CADM1: variants seen among roughly 807,000 people sequenced by gnomAD.
CADM1 encodes the protein TSLC-1.
CADM1 carries 15 observed loss-of-function variants against 53.1 expected under a neutral mutation model. The observed-to-expected ratio is 0.28, with a 90% confidence interval of 0.19 to 0.44. The LOEUF is 0.44. CADM1 is among the 20% of genes least tolerant of loss of function. The probability of loss-of-function intolerance (pLI) is 1.00; values close to 1 mark genes in which losing one functional copy is unlikely to be tolerated. For synonymous variants in CADM1, 281 were observed against 243.0 expected (o/e 1.16, Z -1.45); for missense variants, 434 against 611.3 (o/e 0.71, Z 3.06).
intron 1 of CADM1, among the ~76,000 whole-genome samples, chr11:115,497,303 A>T (rs56163836): frequency 0.024 from 3,655 of 152,296 alleles, 129 homozygotes; most frequent in African/African-American, 0.083. Context: ...TTCCAGTAAA[A>T]CATCTACTAA....
intron 1 of CADM1, among the ~76,000 whole-genome samples, chr11:115,305,059 G>T (rs577800856): frequency 1.3e-5 from 2 of 151,938 alleles, no homozygotes; most frequent in African/African-American, 2.4e-5. Flanking sequence ...CACCTAGACA[G>T]GAGACATAGA....
At chr11:115,369,713 CAT>C (rs1946264752) in intron 1 of CADM1, among the ~76,000 whole-genome samples, 1 of 152,162 alleles carries the variant, frequency 6.6e-6, no homozygotes, top group African/African-American at 2.4e-5. Flanking sequence ...ACCTCACTCA[CAT>C]GAAATTTCTC....
At chr11:115,408,030 G>C (rs1271381235) in intron 1 of CADM1, among the ~76,000 whole-genome samples, 1 of 151,958 alleles carries the variant, frequency 6.6e-6, no homozygotes, top group Non-Finnish European at 1.5e-5. Flanking sequence ...GTGTTGGGGG[G>C]TGGTAGTAAT....
intron 1 of CADM1, among the ~76,000 whole-genome samples, chr11:115,274,949 T>G (rs1943404203): frequency 1.3e-5 from 2 of 152,226 alleles, no homozygotes; most frequent in South Asian, 4.1e-4. Context: ...CAAGGCCGTT[T>G]GCTGCCATGG....
At chr11:115,223,021 C>A (rs1941463059) in intron 5 of CADM1, among the ~76,000 whole-genome samples, 1 of 152,060 alleles carries the variant, frequency 6.6e-6, no homozygotes, top group South Asian at 2.1e-4. Context: ...GTGCCAGGGA[C>A]TGGCACACAG....
At chr11:115,257,318 C>A (rs148609293) in intron 1 of CADM1, among the ~76,000 whole-genome samples, 317 of 152,232 alleles carry the variant, frequency 2.1e-3, no homozygotes, top group African/African-American at 7.1e-3. Context: ...ATTAAAAATA[C>A]TGTGAGTGTA....
chr11:115,347,397 C>G (rs1045783299), intron 1 of CADM1, among the ~76,000 whole-genome samples: 5 of 152,154 alleles, frequency 3.3e-5, no homozygotes, highest in Non-Finnish European at 5.9e-5. Context: ...TTATTAGCAC[C>G]TCCCATCACT....
intron 1 of CADM1, among the ~76,000 whole-genome samples, chr11:115,350,474 C>A (rs1177258564): frequency 1.3e-5 from 2 of 150,920 alleles, no homozygotes; most frequent in African/African-American, 4.9e-5. Flanking sequence ...AGTGCTTTGC[C>A]TCACTATCTG....
chr11:115,336,924 T>C (rs2135232746), intron 1 of CADM1, among the ~76,000 whole-genome samples: 1 of 152,298 alleles, frequency 6.6e-6, no homozygotes, highest in South Asian at 2.1e-4. Flanking sequence ...ACTGACTATA[T>C]ATTTGAATTT....
chr11:115,171,940 G>A lies in CADM1; in HGVS notation c.*4534C>T, dbSNP rs911447734. The A allele has an allele frequency of 6.6e-6, 1 of 152,204 alleles. No individual in the cohort carries two copies. The highest frequency in any genetic ancestry group is 1.9e-4 in the East Asian group (1 of 5,192). 9.4% of individuals were successfully genotyped at this position (152,204 alleles called of 1,614,324 possible). A position where few individuals can be genotyped will look rare whatever the true frequency, so the allele number is the denominator to read the frequency against. ...TAGTGACCGCTTCTTCGTAGCCCTG[G>A]GTAACCTTCTATCGTTTTAGTCACC... On this transcript the variant is annotated 3_prime_UTR_variant, in exon 12 of 12. Transcript: ENST00000331581.
chr11:115,315,480 GT>G (rs1383072815), intron 1 of CADM1, among the ~76,000 whole-genome samples: 1 of 152,082 alleles, frequency 6.6e-6, no homozygotes, highest in Non-Finnish European at 1.5e-5. Context: ...AACAGATTCT[GT>G]TTTACTTGGG....
chr11:115,403,695 C>G (rs1947222810), intron 1 of CADM1, among the ~76,000 whole-genome samples: 1 of 152,040 alleles, frequency 6.6e-6, no homozygotes, highest in African/African-American at 2.4e-5. Context: ...CTCCTGGGTT[C>G]AAGCAGTTCT....
intron 1 of CADM1, among the ~76,000 whole-genome samples, chr11:115,268,917 C>T (rs1031330908): frequency 2.0e-5 from 3 of 152,024 alleles, no homozygotes; most frequent in East Asian, 1.9e-4. Context: ...CTTTTCAGTT[C>T]GACACACAGG....
chr11:115,186,665 C>T (rs1939569308), intron 10 of CADM1, among the ~76,000 whole-genome samples: 1 of 152,178 alleles, frequency 6.6e-6, no homozygotes, highest in Non-Finnish European at 1.5e-5. Context: ...CCTTCCTTAA[C>T]AATCTCAGGA....
chr11:115,500,885 G>C (rs1477541703), intron 1 of CADM1, among the ~76,000 whole-genome samples: 1 of 152,168 alleles, frequency 6.6e-6, no homozygotes, highest in African/African-American at 2.4e-5. Flanking sequence ...GACCAACTCC[G>C]ATAAGAATAT....
intron 1 of CADM1, among the ~76,000 whole-genome samples, chr11:115,441,412 G>A (rs568888635): frequency 1.1e-4 from 16 of 152,234 alleles, no homozygotes; most frequent in African/African-American, 3.9e-4. Flanking sequence ...CCAGAATGCT[G>A]TTTCACCTCT....
chr11:115,242,935 T>A (rs938902681), intron 1 of CADM1, among the ~76,000 whole-genome samples: 1 of 152,190 alleles, frequency 6.6e-6, no homozygotes, highest in Non-Finnish European at 1.5e-5. Context: ...ATCCTAAGGC[T>A]AGCATATTCT....
chr11:115,483,006 T>C (rs1007599613), intron 1 of CADM1, among the ~76,000 whole-genome samples: 50 of 152,216 alleles, frequency 3.3e-4, no homozygotes, highest in Non-Finnish European at 7.3e-5. Flanking sequence ...TACTTTTCCC[T>C]CTCCTTCTCT....
chr11:115,258,145 G>A (rs1342229063), intron 1 of CADM1, among the ~76,000 whole-genome samples: 1 of 152,152 alleles, frequency 6.6e-6, no homozygotes, highest in Non-Finnish European at 1.5e-5. Flanking sequence ...TCATTTCCAT[G>A]AGGACTTTTC....
Sources: gnomAD v4.1 joint callset for allele counts (sites outside exome capture counted in the v4.1 genomes callset) on GRCh38, gnomAD v4.1.1 for gene constraint, MANE v1.5 for transcripts, NCBI Gene and HGNC (gene_info 2026-07-23, HGNC 2026-07-21) for gene names.